Variants in RFPL1 observed in about 807,000 individuals in gnomAD.
RFPL1 encodes ret finger protein-like 1.
A neutral mutation model predicts 9.6 loss-of-function variants in RFPL1; 6 were observed. The ratio of observed to expected loss-of-function variants is 0.62; its 90% CI spans 0.34 to 1.23. The LOEUF (loss-of-function observed/expected upper bound fraction) is 1.23, where lower values mean the gene tolerates loss of function less well. RFPL1 is among the 50% of genes most tolerant of loss of function. RFPL1 has a pLI of 0.03. For synonymous variants in RFPL1, 145 were observed against 149.4 expected (o/e 0.97, Z 0.22); for missense variants, 352 against 398.4 (o/e 0.88, Z 0.99).
the RFPL1 span, among the ~76,000 whole-genome samples, chr22:29,401,363 G>C: frequency 6.6e-6 from 1 of 152,192 alleles, no homozygotes; most frequent in East Asian, 1.9e-4. Context: ...GGATGTCACA[G>C]AATGGACTTA....
the RFPL1 span, among the ~76,000 whole-genome samples, chr22:29,419,557 C>T: frequency 2.6e-5 from 4 of 152,044 alleles, no homozygotes; most frequent in Admixed American, 2.0e-4. Context: ...GTAATCCCAG[C>T]GCTTTGGGAG....
the RFPL1 span, among the ~76,000 whole-genome samples, chr22:29,414,594 T>G: frequency 2.0e-5 from 3 of 150,958 alleles, no homozygotes; most frequent in Non-Finnish European, 3.0e-5. Context: ...ACTGATTGTG[T>G]TTTTTTTTCC....
chr22:29,393,057 G>C, the RFPL1 span, among the ~76,000 whole-genome samples: 1 of 152,202 alleles, frequency 6.6e-6, no homozygotes, highest in Non-Finnish European at 1.5e-5. Context: ...TTATAACTCA[G>C]AGTGGTAGGA....
At chr22:29,410,891 C>A in the RFPL1 span, among the ~76,000 whole-genome samples, 2 of 152,046 alleles carry the variant, frequency 1.3e-5, no homozygotes, top group East Asian at 3.8e-4. Context: ...TCCTACTGAG[C>A]ACCTGTGAAC....
At chr22:29,420,943 C>G in the RFPL1 span, among the ~76,000 whole-genome samples, 14 of 152,114 alleles carry the variant, frequency 9.2e-5, no homozygotes, top group Admixed American at 3.9e-4. Flanking sequence ...GCCCAGCCCC[C>G]CTGAGCCCTT....
the RFPL1 span, among the ~76,000 whole-genome samples, chr22:29,396,403 A>G: frequency 2.6e-5 from 4 of 152,186 alleles, no homozygotes; most frequent in Non-Finnish European, 5.9e-5. Context: ...CCAGATGCCG[A>G]GCAGATATTG....
At chr22:29,388,956 A>G in the RFPL1 span, among the ~76,000 whole-genome samples, 2 of 151,540 alleles carry the variant, frequency 1.3e-5, no homozygotes, top group East Asian at 3.9e-4. Context: ...GGCTCACTGC[A>G]CCCTCCGCCT....
chr22:29,393,358 G>A, the RFPL1 span, among the ~76,000 whole-genome samples: 3 of 152,182 alleles, frequency 2.0e-5, no homozygotes, highest in Non-Finnish European at 4.4e-5. Context: ...CTCTCCCACA[G>A]CATGATCTGG....
At chr22:29,410,427 A>AG in the RFPL1 span, among the ~76,000 whole-genome samples, 3 of 53,174 alleles carry the variant, frequency 5.6e-5, no homozygotes, top group Admixed American at 6.1e-4. Flanking sequence ...AGATATATAT[A>AG]TTGTAGATAT....
At chr22:29,402,533 T>G in the RFPL1 span, among the ~76,000 whole-genome samples, 1 of 152,198 alleles carries the variant, frequency 6.6e-6, no homozygotes, top group African/African-American at 2.4e-5. Flanking sequence ...TCCTAGGGTT[T>G]CATTCAAGTC....
chr22:29,430,346 C>A, the RFPL1 span, among the ~76,000 whole-genome samples: 1 of 152,006 alleles, frequency 6.6e-6, no homozygotes, highest in African/African-American at 2.4e-5. Context: ...TAATTTAATT[C>A]TTTTTCAGCC....
At chr22:29,410,537 CTA>C in the RFPL1 span, among the ~76,000 whole-genome samples, 2 of 96,384 alleles carry the variant, frequency 2.1e-5, no homozygotes, top group Admixed American at 1.1e-4. Flanking sequence ...TATATATCTA[CTA>C]TATATAGAGA....
chr22:29,404,737 A>G, the RFPL1 span, among the ~76,000 whole-genome samples: 1 of 152,176 alleles, frequency 6.6e-6, no homozygotes, highest in Non-Finnish European at 1.5e-5. Flanking sequence ...AATGCTTTTT[A>G]TCTTTAAGAG....
At chr22:29,395,344 A>G in the RFPL1 span, among the ~76,000 whole-genome samples, 1 of 152,094 alleles carries the variant, frequency 6.6e-6, no homozygotes. Flanking sequence ...GTTGCCACAG[A>G]GCCTTTCTAA....
chr22:29,403,080 G>A, the RFPL1 span, among the ~76,000 whole-genome samples: 1 of 151,590 alleles, frequency 6.6e-6, no homozygotes, highest in Non-Finnish European at 1.5e-5. Context: ...ACACTCTCAC[G>A]ACTGTTTTTT....
intron 1 of RFPL1, chr22:29,440,726 C>T (rs1298782433): frequency 6.6e-6 from 1 of 152,170 alleles, no homozygotes; most frequent in African/African-American, 2.4e-5. Context: ...GCACCCGCCA[C>T]CATGTCCGGC....
the RFPL1 span, among the ~76,000 whole-genome samples, chr22:29,399,861 C>G: frequency 1.3e-5 from 2 of 152,036 alleles, no homozygotes; most frequent in East Asian, 1.9e-4. Flanking sequence ...GTTAATTAGC[C>G]CCCTCTTCAA....
the RFPL1 span, among the ~76,000 whole-genome samples, chr22:29,421,431 AAAAC>A: frequency 4.0e-5 from 6 of 151,510 alleles, no homozygotes; most frequent in African/African-American, 7.3e-5. Context: ...TGTCTCAAAA[AAAAC>A]AAACAAACAA....
the RFPL1 span, among the ~76,000 whole-genome samples, chr22:29,423,991 G>A: frequency 6.6e-6 from 1 of 152,068 alleles, no homozygotes; most frequent in South Asian, 2.1e-4. Flanking sequence ...TCAGGAGATC[G>A]AGACCAGATG....
Sources: gnomAD v4.1 joint callset for allele counts (sites outside exome capture counted in the v4.1 genomes callset) on GRCh38, gnomAD v4.1.1 for gene constraint, MANE v1.5 for transcripts, NCBI Gene and HGNC (gene_info 2026-07-23, HGNC 2026-07-21) for gene names.